Variants in ALCAM observed in about 807,000 individuals in gnomAD.
ALCAM encodes the protein activated leukocyte cell adhesion molecule.
In ALCAM, 30 loss-of-function variants were observed where a neutral mutation model predicts 70.9. The ratio of observed to expected loss-of-function variants is 0.42; its 90% CI spans 0.32 to 0.57. The LOEUF is 0.57. ALCAM is among the 20% of genes least tolerant of loss of function. The pLI is 0.11. For synonymous variants in ALCAM, 249 were observed against 242.5 expected (o/e 1.03, Z -0.25); for missense variants, 591 against 695.1 (o/e 0.85, Z 1.68).
intron 14 of ALCAM, among the ~76,000 whole-genome samples, chr3:105,569,339 G>T (rs965715110): frequency 1.3e-5 from 2 of 152,036 alleles, no homozygotes; most frequent in Admixed American, 6.6e-5. Context: ...AGATTTTGGG[G>T]ATTATGTGGC....
At chr3:105,554,361 A>C (rs1940473159) in intron 14 of ALCAM, among the ~76,000 whole-genome samples, 1 of 151,912 alleles carries the variant, frequency 6.6e-6, no homozygotes, top group African/African-American at 2.4e-5. Context: ...TCAAGTAAGA[A>C]GTTCCCTCTT....
chr3:105,494,630 C>T (rs1420233252), intron 1 of ALCAM, among the ~76,000 whole-genome samples: 1 of 151,440 alleles, frequency 6.6e-6, no homozygotes, highest in Non-Finnish European at 1.5e-5. Context: ...TCTTTCCCTC[C>T]TTCCCTCCCT....
At chr3:105,544,509 C>T (rs1940197343) in intron 8 of ALCAM, 1 of 151,456 alleles carries the variant, frequency 6.6e-6, no homozygotes, top group African/African-American at 2.4e-5. Flanking sequence ...CTACTAGGTG[C>T]TGATTTTATG....
intron 1 of ALCAM, among the ~76,000 whole-genome samples, chr3:105,383,451 A>C (rs997222596): frequency 6.6e-6 from 1 of 151,876 alleles, no homozygotes; most frequent in African/African-American, 2.4e-5. Context: ...GAATAAAGGC[A>C]TTAGTCAAAA....
chr3:105,425,412 A>G (rs986975441), intron 1 of ALCAM, among the ~76,000 whole-genome samples: 1 of 151,722 alleles, frequency 6.6e-6, no homozygotes, highest in Non-Finnish European at 1.5e-5. Flanking sequence ...AGACTCCTGC[A>G]TTGGGCATTG....
In ALCAM at chr3:105,576,899, C is replaced by T. The variant is rs181366941; in HGVS notation, c.*2448C>T. 1.8e-4 allele frequency: 27 copies of T among 152,324 alleles called. No homozygotes were observed. The highest frequency in any genetic ancestry group is 5.9e-4 in the Admixed American group (9 of 15,294). 9.4% of individuals were successfully genotyped at this position (152,324 alleles called of 1,614,324 possible). On this transcript the variant is annotated 3_prime_UTR_variant, in exon 16 of 16. Coordinates refer to ENST00000306107, the MANE Select transcript of ALCAM (RefSeq NM_001627.4). ...AGATAATAAAACTGAAATATGTCTT[C>T]ACAGGTCTCCCACAGCTGTCTGACT...
intron 15 of ALCAM, among the ~76,000 whole-genome samples, chr3:105,573,180 A>G (rs746501632): frequency 5.3e-5 from 8 of 152,124 alleles, no homozygotes; most frequent in South Asian, 2.1e-4. Context: ...TACAAAAATT[A>G]GCCAGTCCTG....
At position 105,541,749 on chromosome 3, in the gene ALCAM, A is replaced by T. The variant is rs949246641; in HGVS notation, c.975A>T (p.Thr325=). Residue 325 remains threonine, a synonymous_variant, in exon 8 of 16, where the codon ACA becomes ACT. Transcript: ENST00000306107. ...ACAAAAAAAGCATGATTGCTTCAAC[A>T]GCTATCACAGTTCACTGTAAGTCAC... ...LIDKKSMIAS[T]AITVHYLDLS... 9.3e-6 allele frequency: 15 copies of T among 1,612,116 alleles called. No homozygotes were observed. In the Middle Eastern group the frequency reaches 6.6e-4, roughly 71 times the overall value.
intron 1 of ALCAM, among the ~76,000 whole-genome samples, chr3:105,438,712 C>G (rs542483700): frequency 1.3e-5 from 2 of 152,044 alleles, no homozygotes; most frequent in Non-Finnish European, 1.5e-5. Flanking sequence ...CATGTTGCTA[C>G]AGATATTGTA....
chr3:105,565,172 G>T (rs1200288653), intron 14 of ALCAM, among the ~76,000 whole-genome samples: 2 of 152,088 alleles, frequency 1.3e-5, no homozygotes, highest in Non-Finnish European at 2.9e-5. Flanking sequence ...GAAGTAATTG[G>T]ATATTATTTT....
At chr3:105,563,449 C>T (rs1371038260) in intron 14 of ALCAM, among the ~76,000 whole-genome samples, 1 of 150,316 alleles carries the variant, frequency 6.7e-6, no homozygotes, top group Admixed American at 6.6e-5. Flanking sequence ...TCCACTTTTT[C>T]TCCTTTCTCT....
chr3:105,528,612 T>C (rs1939765695), intron 3 of ALCAM, among the ~76,000 whole-genome samples: 1 of 152,166 alleles, frequency 6.6e-6, no homozygotes, highest in African/African-American at 2.4e-5. Flanking sequence ...CCACTATCCA[T>C]AGCAAGCTAA....
chr3:105,377,737 A>G (rs145200761), intron 1 of ALCAM, among the ~76,000 whole-genome samples: 43 of 152,182 alleles, frequency 2.8e-4, no homozygotes, highest in African/African-American at 8.2e-4. Context: ...TTTAGAACAT[A>G]AACTGTATAA....
chr3:105,383,147 T>G (rs1205791811), intron 1 of ALCAM, among the ~76,000 whole-genome samples: 2 of 151,742 alleles, frequency 1.3e-5, no homozygotes, highest in East Asian at 3.9e-4. Context: ...CAGAACACAG[T>G]TTATATGCCA....
chr3:105,493,447 T>G (rs1415115711), intron 1 of ALCAM, among the ~76,000 whole-genome samples: 2 of 152,106 alleles, frequency 1.3e-5, no homozygotes, highest in Non-Finnish European at 2.9e-5. Flanking sequence ...CAAAATGACT[T>G]TATGATGTGA....
intron 1 of ALCAM, among the ~76,000 whole-genome samples, chr3:105,498,920 AG>A (rs1938842602): frequency 6.6e-6 from 1 of 152,224 alleles, no homozygotes; most frequent in Non-Finnish European, 1.5e-5. Flanking sequence ...CTGCTAAAAC[AG>A]TGTGAGAAAA....
chr3:105,472,401 A>G (rs1937960721), intron 1 of ALCAM, among the ~76,000 whole-genome samples: 1 of 151,536 alleles, frequency 6.6e-6, no homozygotes, highest in South Asian at 2.1e-4. Flanking sequence ...AGGGCTTGAC[A>G]TGACATCACA....
At chr3:105,540,133 G>A (rs376241637) in intron 7 of ALCAM, 31 bp downstream of exon 7, 174 of 1,595,884 alleles carry the variant, frequency 1.1e-4, no homozygotes, top group Non-Finnish European at 1.4e-4. Context: ...TCAGTTGGAT[G>A]ACTATCATTT....
At chr3:105,421,693 T>C (rs907562524) in intron 1 of ALCAM, among the ~76,000 whole-genome samples, 1 of 151,526 alleles carries the variant, frequency 6.6e-6, no homozygotes, top group African/African-American at 2.4e-5. Flanking sequence ...GAAGAAGCAC[T>C]GTAGTTAAGA....
Sources: gnomAD v4.1 joint callset for allele counts (sites outside exome capture counted in the v4.1 genomes callset) on GRCh38, gnomAD v4.1.1 for gene constraint, MANE v1.5 for transcripts, NCBI Gene and HGNC (gene_info 2026-07-23, HGNC 2026-07-21) for gene names.